The following PHF21B variants were observed in gnomAD, a reference collection of about 807,000 sequenced individuals.
The protein encoded by PHF21B is PHD finger protein 4.
In PHF21B, 22 loss-of-function variants were observed where a neutral mutation model predicts 62.2. That is an observed-to-expected ratio of 0.35 (90% CI 0.25 to 0.51). The LOEUF is 0.51. PHF21B is among the 20% of genes least tolerant of loss of function. PHF21B has a pLI of 0.97. For synonymous variants in PHF21B, 341 were observed against 314.7 expected (o/e 1.08, Z -0.88); for missense variants, 701 against 707.9 (o/e 0.99, Z 0.11).
chr22:44,988,434 C>T (rs553233083), intron 2 of PHF21B, among the ~76,000 whole-genome samples: 72 of 152,008 alleles, frequency 4.7e-4, no homozygotes, highest in Non-Finnish European at 9.6e-4. Context: ...TGCACTCCAG[C>T]CTGGGTGACA....
intron 2 of PHF21B, among the ~76,000 whole-genome samples, chr22:44,980,464 T>C (rs749644977): frequency 5.3e-5 from 8 of 152,160 alleles, no homozygotes; most frequent in Non-Finnish European, 1.2e-4. Context: ...ACTGCAGACC[T>C]TGGAGGCCCA....
rs1447124135 is a variant in PHF21B at position 44,885,511 on chromosome 22, T to C, written c.1292A>G (p.Gln431Arg). Residue 431 changes from glutamine (Q) to arginine (R), a missense_variant, in exon 12 of 13, where the codon CAG becomes CGG. By Grantham distance (43) the Gln-to-Arg change is conservative. Transcript: ENST00000313237. The stretch of plus-strand genomic sequence containing the variant: ...CTCACTGCCTCGTTGCAGCAGCTTC[T>C]GCTTCTCCTCTTCTTTGACTAGAAA... ...THKTVKEEEK[Q>R]KLLQRGSELQ... 1.3e-6 allele frequency: 2 copies of C among 1,597,222 alleles called. No individual in the cohort carries two copies. Among genetic ancestry groups the C allele is most frequent in the South Asian group, 2.3e-5 (2 of 88,460 alleles).
At chr22:44,889,820 C>T (rs1326973774) in intron 8 of PHF21B, 38 bp from the exon 9 acceptor site, 2 of 1,538,714 alleles carry the variant, frequency 1.3e-6, no homozygotes, top group Admixed American at 2.3e-5. Flanking sequence ...ACGTTAGTGG[C>T]CGTCAGAGGA....
Position 44,986,881 on chromosome 22 carries a change from G to A in PHF21B, c.120+21664C>T, listed in dbSNP as rs367602385. ...GGAGGTGGGGGGAAGGCAGGTACAG[G>A]TGGGGTCCTGGAGATGGGGAGACGG... is the stretch of plus-strand genomic sequence containing the variant. On this transcript the variant is annotated intron_variant, in intron 2 of 12. Coordinates refer to ENST00000313237, the MANE Select transcript of PHF21B (RefSeq NM_138415.5). Among the ~76,000 whole-genome samples the A allele has an allele frequency of 1.4e-4, 21 of 151,456 alleles. No individual in the cohort carries two copies. In the East Asian group the frequency reaches 2.5e-3, roughly 18 times the overall value.
At chr22:44,919,791 C>T (rs900046266) in intron 3 of PHF21B, among the ~76,000 whole-genome samples, 20 of 152,254 alleles carry the variant, frequency 1.3e-4, no homozygotes, top group Non-Finnish European at 5.9e-5. Flanking sequence ...TCAATACTCA[C>T]AGCCACCATT....
chr22:44,964,041 A>C (rs998000130), intron 2 of PHF21B, among the ~76,000 whole-genome samples: 1 of 152,156 alleles, frequency 6.6e-6, no homozygotes, highest in African/African-American at 2.4e-5. Flanking sequence ...GTGTGTTGGG[A>C]GGGTTGCTGG....
In PHF21B at chr22:44,953,202, C is replaced by T. The variant is rs548944523; in HGVS notation, c.121-32712G>A. ...AGGCCCGCAGCTGGGGCAGAAATGG[C>T]TCTCACAGGTCTGACTCCCAAGCCC... On this transcript the variant is annotated intron_variant, in intron 2 of 12. Coordinates refer to ENST00000313237, the MANE Select transcript of PHF21B (RefSeq NM_138415.5). 6.6e-5 allele frequency among the ~76,000 whole-genome samples: 10 copies of T among 152,346 alleles called. No individual in the cohort carries two copies. In the South Asian group the frequency reaches 2.1e-3, roughly 32 times the overall value.
chr22:44,995,911 G>C (rs1410848744), intron 2 of PHF21B, among the ~76,000 whole-genome samples: 1 of 151,990 alleles, frequency 6.6e-6, no homozygotes, highest in African/African-American at 2.4e-5. Context: ...AAGGAGCCAG[G>C]TGTTGAGGGC....
chr22:44,908,785 GGTATGCATGTAT>G (rs1414763032), intron 5 of PHF21B, among the ~76,000 whole-genome samples: 1 of 152,128 alleles, frequency 6.6e-6, no homozygotes, highest in Non-Finnish European at 1.5e-5. Context: ...AGCTCTTCTT[GGTATGCATGTAT>G]GTGTGTATGT....
intron 2 of PHF21B, among the ~76,000 whole-genome samples, chr22:45,007,652 C>T (rs1180759480): frequency 7.2e-6 from 1 of 137,998 alleles, no homozygotes; most frequent in African/African-American, 2.7e-5. Flanking sequence ...CCATTGGCTG[C>T]GCCGCTCAAA....
intron 2 of PHF21B, chr22:44,971,389 G>A (rs2072634807): frequency 6.6e-6 from 1 of 152,166 alleles, no homozygotes; most frequent in African/African-American, 2.4e-5. Context: ...GCCCTCCTCA[G>A]GGCCATTCGG....
In PHF21B at chr22:44,884,596, ACAC is replaced by A. The variant is rs541521638; in HGVS notation, c.1377+827_1377+829del. 1.0e-3 allele frequency among the ~76,000 whole-genome samples: 148 copies of A among 142,910 alleles called. 1 individual carries two copies. In the South Asian group the frequency reaches 0.013, roughly 12 times the overall value. 93.8% of individuals were successfully genotyped at this position (142,910 alleles called of 152,430 possible). ...ACCATCACTGTGATCAGCACCATCA[ACAC>A]CACCATCACCATAATCACCACCATA... is the stretch of plus-strand genomic sequence containing the variant. On this transcript the variant is annotated intron_variant, in intron 12 of 12. Coordinates refer to ENST00000313237, the MANE Select transcript of PHF21B (RefSeq NM_138415.5).
intron 2 of PHF21B, among the ~76,000 whole-genome samples, chr22:45,005,227 A>G (rs2073293795): frequency 1.3e-5 from 2 of 152,242 alleles, no homozygotes; most frequent in African/African-American, 2.4e-5. Flanking sequence ...CACACATCAT[A>G]TCTTGTTAAA....
chr22:45,008,686 C>G, intron 1 of PHF21B, 76 bp from the exon 2 acceptor site: 1 of 1,240,740 alleles, frequency 8.1e-7, no homozygotes, highest in South Asian at 2.8e-5. Flanking sequence ...GGCCGCGGCA[C>G]CCCCCGCCCG....
At chr22:44,914,824 C>A (rs1163332402) in intron 4 of PHF21B, among the ~76,000 whole-genome samples, 1 of 152,196 alleles carries the variant, frequency 6.6e-6, no homozygotes, top group Non-Finnish European at 1.5e-5. Context: ...GAAAGTCAGC[C>A]TGAAATCCAC....
At chr22:44,984,989 G>A (rs1375424369) in intron 2 of PHF21B, among the ~76,000 whole-genome samples, 1 of 152,174 alleles carries the variant, frequency 6.6e-6, no homozygotes. Context: ...AAGTGATGTT[G>A]GCAACCCTGT....
chr22:44,920,659 C>T (rs766552194), intron 2 of PHF21B, among the ~76,000 whole-genome samples, 169 bp from the exon 3 acceptor site: 1 of 152,208 alleles, frequency 6.6e-6, no homozygotes, highest in Non-Finnish European at 1.5e-5. Context: ...ATATTCCTTC[C>T]AGAAAGTTTG....
chr22:44,916,251 C>A, intron 4 of PHF21B, 29 bp downstream of exon 4: 1 of 1,597,758 alleles, frequency 6.3e-7, no homozygotes, highest in Non-Finnish European at 8.5e-7. Context: ...GCCGCACACC[C>A]TTTCCGGAGC....
chr22:45,009,434 C>A lies in PHF21B; in HGVS notation c.54+62G>T. On this transcript the variant is annotated intron_variant, in intron 1 of 12. Coordinates refer to ENST00000313237, the MANE Select transcript of PHF21B (RefSeq NM_138415.5). The surrounding 1 kb of genome is among the most constrained non-coding windows in gnomAD (Gnocchi z 5.9). Reference sequence around the variant, plus strand: ...GGAAGAGAGGATGCTGGGCTCGGGTCCCCCGACCCCCTCACCCCGCAACAC... The same window carrying A: ...GGAAGAGAGGATGCTGGGCTCGGGTACCCCGACCCCCTCACCCCGCAACAC... 1 of 1,441,480 alleles carries A rather than the reference C, an allele frequency of 6.9e-7. No homozygotes were observed. Among genetic ancestry groups the A allele is most frequent in the South Asian group, 1.3e-5 (1 of 77,452 alleles). 89.3% of individuals were successfully genotyped at this position (1,441,480 alleles called of 1,614,324 possible).
Sources: allele counts gnomAD v4.1 joint callset (sites outside exome capture counted in the v4.1 genomes callset), GRCh38; gene constraint gnomAD v4.1.1; non-coding constraint Gnocchi (gnomAD v3.1); transcripts MANE v1.5; gene names NCBI Gene and HGNC (gene_info 2026-07-23, HGNC 2026-07-21).